STARD6: variants seen among roughly 807,000 people sequenced by gnomAD.
STARD6 encodes stAR-related lipid transfer protein 6.
A neutral mutation model predicts 22.3 loss-of-function variants in STARD6; 21 were observed. The ratio of observed to expected loss-of-function variants is 0.94; its 90% confidence interval spans 0.67 to 1.35. STARD6 has a LOEUF of 1.35. Among genes scored for constraint, STARD6 ranks in the 40% most tolerant of loss-of-function variants. The pLI is 0.00. For missense variants in STARD6, 269 were observed against 266.9 expected (o/e 1.01, Z -0.05); for synonymous variants, 80 against 88.1 (o/e 0.91, Z 0.52).
intron 7 of STARD6, among the ~76,000 whole-genome samples, chr18:54,325,905 G>A (rs191048648): frequency 6.6e-6 from 1 of 152,164 alleles, no homozygotes; most frequent in Admixed American, 6.5e-5. Context: ...TGTGCATTAA[G>A]GTTTTTGACA....
At chr18:54,350,312 C>A (rs761961177) in intron 4 of STARD6, among the ~76,000 whole-genome samples, 1 of 152,012 alleles carries the variant, frequency 6.6e-6, no homozygotes, top group South Asian at 2.1e-4. Context: ...TGTCCTTTGC[C>A]TACTTTTTGA....
chr18:54,357,055 ATGG>A (rs2094569796), intron 1 of STARD6: 1 of 152,268 alleles, frequency 6.6e-6, no homozygotes, highest in African/African-American at 2.4e-5. Flanking sequence ...ATTGTATTAC[ATGG>A]TGGTGGAACG....
rs754913164 is a variant in STARD6, at chr18:54,354,095, T to C, written c.99A>G (p.Ile33Met). Residue 33 changes from isoleucine to methionine, a missense_variant, in exon 4 of 8, where the codon ATA becomes ATG. Ile to Met is a conservative substitution (Grantham distance 10). Coordinates refer to ENST00000307844, the MANE Select transcript of STARD6 (RefSeq NM_139171.2). Reference sequence around the variant, plus strand: ...TTCTAGAAGCCTTACTGGAAACAGTTATCTTTTTCTCAAAGGGGAATAAAA... The same window carrying C: ...TTCTAGAAGCCTTACTGGAAACAGTCATCTTTTTCTCAAAGGGGAATAAAA... The part of the protein sequence containing the change: ...GWKVVKTSKK[I>M]TVSSKASRKF... The C allele has an allele frequency of 4.4e-5, 68 of 1,560,704 alleles. No homozygotes were observed. The highest frequency in any genetic ancestry group is 6.2e-5 in the South Asian group (5 of 80,264).
Position 54,331,801 on chromosome 18 carries a change from C to T in STARD6, c.326G>A (p.Arg109Gln), listed in dbSNP as rs765279796. 1.9e-5 allele frequency: 30 copies of T among 1,613,192 alleles called. 1 individual carries two copies. The highest frequency in any genetic ancestry group is 8.8e-5 in the South Asian group (8 of 90,906). Reference protein sequence around the residue: ...QSFAVGSISPRDFIDLVYIKR... With the variant: ...QSFAVGSISPQDFIDLVYIKR... Reference sequence around the variant, plus strand: ...GATGTACACTAAGTCGATAAAGTCTCGAGGGGAAATGGAGCCCACGGCAAA... The same window carrying T: ...GATGTACACTAAGTCGATAAAGTCTTGAGGGGAAATGGAGCCCACGGCAAA... The change falls in exon 6 of 8, where the codon CGA becomes CAA. Residue 109 changes from arginine to glutamine, a missense_variant. Coordinates refer to ENST00000307844, the MANE Select transcript of STARD6 (RefSeq NM_139171.2).
chr18:54,324,784 T>G lies in STARD6; in HGVS notation c.571A>C (p.Asn191His). ...PSIIEKTMPS[N>H]LVNFILNAKD... ...GCATTGAGGATGAAGTTTACTAAGT[T>G]GGAAGGCATGGTTTTTTCAATTATT... Residue 191 changes from asparagine (N) to histidine (H), a missense_variant, in exon 8 of 8, where the codon AAC (asparagine) becomes CAC (histidine). Physicochemically the swap from Asn to His is moderately conservative, Grantham distance 68. Transcript: ENST00000307844. 6.2e-7 allele frequency: 1 copy of G among 1,609,566 alleles called. No individual in the cohort carries two copies. The highest frequency in any genetic ancestry group is 8.5e-7 in the Non-Finnish European group (1 of 1,178,424).
chr18:54,350,286 G>C (rs764262881), intron 4 of STARD6, among the ~76,000 whole-genome samples: 16 of 152,022 alleles, frequency 1.1e-4, no homozygotes, highest in Admixed American at 2.6e-4. Context: ...ATCTTCTTTT[G>C]AGAATTGTCT....
chr18:54,339,026 G>A (rs544246089), intron 4 of STARD6, among the ~76,000 whole-genome samples: 7 of 109,498 alleles, frequency 6.4e-5, no homozygotes, highest in Admixed American at 5.2e-4. Flanking sequence ...CCAGCCTGGC[G>A]ACAGAGTGAG....
At chr18:54,326,407 C>T (rs2144662624) in intron 7 of STARD6, among the ~76,000 whole-genome samples, 1 of 148,076 alleles carries the variant, frequency 6.8e-6, no homozygotes, top group African/African-American at 2.5e-5. Flanking sequence ...TCTGGGATCA[C>T]TGCAAGCCCC....
rs55736082 is a variant in STARD6 at position 54,344,583 on chromosome 18, T to TAAAAAA, written c.141-7338_141-7333dup. Among the ~76,000 whole-genome samples, 106 of 93,974 alleles carry TAAAAAA rather than the reference T, an allele frequency of 1.1e-3. 1 individual carries two copies. Among genetic ancestry groups the TAAAAAA allele is most frequent in the East Asian group, 2.1e-3 (8 of 3,842 alleles). The allele number at this position is 93,974 out of a possible 152,430, so 61.7% of individuals were successfully genotyped here. ...AAGAATTATCAATAAAAAAATAAAT[T>TAAAAAA]AAAAAAAAAAAAAAAAAAGAAAATA... On this transcript the variant is annotated intron_variant, in intron 4 of 7. Transcript: ENST00000307844.
intron 4 of STARD6, among the ~76,000 whole-genome samples, chr18:54,350,366 T>C (rs765884287): frequency 3.9e-5 from 6 of 152,164 alleles, no homozygotes; most frequent in Non-Finnish European, 7.4e-5. Context: ...TGAGTTCTTA[T>C]AGATTCTGGG....
chr18:54,351,977 T>C (rs2089102310), intron 4 of STARD6, among the ~76,000 whole-genome samples: 1 of 140,854 alleles, frequency 7.1e-6, no homozygotes, highest in Non-Finnish European at 1.5e-5. Flanking sequence ...GAATGGAGGA[T>C]TCCTTCTTTC....
At chr18:54,332,897 C>T (rs1037441794) in intron 5 of STARD6, among the ~76,000 whole-genome samples, 1 of 151,742 alleles carries the variant, frequency 6.6e-6, no homozygotes, top group Non-Finnish European at 1.5e-5. Context: ...AGAGTGAGAC[C>T]CTATCTCTAA....
chr18:54,334,812 A>T (rs567894351), intron 5 of STARD6, among the ~76,000 whole-genome samples: 2 of 152,224 alleles, frequency 1.3e-5, no homozygotes, highest in South Asian at 2.1e-4. Flanking sequence ...GGTAAGTTTT[A>T]AAAAACTGTT....
At chr18:54,348,405 C>T (rs2144691773) in intron 4 of STARD6, among the ~76,000 whole-genome samples, 1 of 152,268 alleles carries the variant, frequency 6.6e-6, no homozygotes, top group East Asian at 1.9e-4. Context: ...GAATCCATCT[C>T]TGGATAATCT....
chr18:54,340,415 A>G (rs1320594281), intron 4 of STARD6, among the ~76,000 whole-genome samples: 1 of 152,194 alleles, frequency 6.6e-6, no homozygotes, highest in African/African-American at 2.4e-5. Flanking sequence ...AATGTAGTTC[A>G]AAAAATTATT....
chr18:54,327,667 A>G (rs986295145), intron 7 of STARD6, among the ~76,000 whole-genome samples: 13 of 152,158 alleles, frequency 8.5e-5, no homozygotes, highest in Admixed American at 5.2e-4. Context: ...CTTTTCATCA[A>G]TGTAATCCCT....
chr18:54,341,302 G>A (rs35094094), intron 4 of STARD6, among the ~76,000 whole-genome samples: 1,967 of 152,104 alleles, frequency 0.013, 24 homozygotes, highest in Non-Finnish European at 0.019. Context: ...CTCATGATCC[G>A]CCCACCTCAG....
In STARD6 at chr18:54,354,063, T is replaced by A; in HGVS notation, c.131A>T (p.His44Leu). The A allele has an allele frequency of 6.4e-7, 1 of 1,566,378 alleles. No homozygotes were observed. The highest frequency in any genetic ancestry group is 8.7e-7 in the Non-Finnish European group (1 of 1,154,586). The change falls in exon 4 of 8, where the codon CAT (histidine) becomes CTT (leucine). Residue 44 changes from histidine (H) to leucine (L), a missense_variant. Transcript: ENST00000307844. ...TVSSKASRKFHGNLYRVEGII... is the reference protein window; with the variant it reads ...TVSSKASRKFLGNLYRVEGII... The stretch of plus-strand genomic sequence containing the variant: ...AGAAGATTGTACTCACAGATTTCCA[T>A]GGAATTTTCTAGAAGCCTTACTGGA...
intron 4 of STARD6, among the ~76,000 whole-genome samples, chr18:54,349,000 G>A (rs1481499277): frequency 6.6e-6 from 1 of 151,980 alleles, no homozygotes; most frequent in African/African-American, 2.4e-5. Flanking sequence ...TAAGTGTCTT[G>A]GTGAGAGACA....
Sources: allele counts gnomAD v4.1 joint callset (sites outside exome capture counted in the v4.1 genomes callset), GRCh38; gene constraint gnomAD v4.1.1; transcripts MANE v1.5; gene names NCBI Gene and HGNC (gene_info 2026-07-23, HGNC 2026-07-21).